The following SH3PXD2A variants were observed in gnomAD, a reference collection of about 807,000 sequenced individuals.
SH3PXD2A encodes the protein SH3 and PX domain-containing protein 2A.
SH3PXD2A carries 32 observed loss-of-function variants against 115.2 expected under a neutral mutation model. The ratio of observed to expected loss-of-function variants is 0.28; its 90% CI spans 0.21 to 0.37. The LOEUF (loss-of-function observed/expected upper bound fraction) is 0.37, where lower values mean the gene tolerates loss of function less well. Ranked by LOEUF, SH3PXD2A falls within the 10% of genes least tolerant of loss-of-function variation. The pLI, the probability that SH3PXD2A is intolerant of heterozygous loss-of-function variation, is 1.00. For synonymous variants in SH3PXD2A, 610 were observed against 629.1 expected (o/e 0.97, Z 0.45); for missense variants, 1,328 against 1,498.7 (o/e 0.89, Z 1.88).
rs772817400 is a variant in SH3PXD2A at position 103,605,813 on chromosome 10, A to T, written c.1413T>A (p.Gly471=). ...SCISDGISFR[G]GQKAEVIDKN... ...CAAGGCTTACCTCTGCCTTCTGTCCACCCCGAAAGCTGATGCCATCGGAAA... is the reference window on the plus strand; with the variant it reads ...CAAGGCTTACCTCTGCCTTCTGTCCTCCCCGAAAGCTGATGCCATCGGAAA... Residue 471 remains glycine, a synonymous_variant, in exon 14 of 15, where the codon GGT becomes GGA. Coordinates refer to ENST00000369774, the MANE Select transcript of SH3PXD2A (RefSeq NM_001394015.1). The T allele has an allele frequency of 2.5e-6, 4 of 1,613,942 alleles. No homozygotes were observed. Among genetic ancestry groups the T allele is most frequent in the Non-Finnish European group, 3.4e-6 (4 of 1,179,882 alleles).
chr10:103,648,458 C>T (rs150748510), intron 8 of SH3PXD2A, among the ~76,000 whole-genome samples: 40 of 152,318 alleles, frequency 2.6e-4, no homozygotes, highest in African/African-American at 9.6e-4. Flanking sequence ...TTTGTGATTA[C>T]GGGCCCTTTG....
intron 1 of SH3PXD2A, among the ~76,000 whole-genome samples, chr10:103,820,243 T>C (rs72819403): frequency 6.6e-6 from 1 of 152,166 alleles, no homozygotes; most frequent in Non-Finnish European, 1.5e-5. Flanking sequence ...AAGGGGATTC[T>C]TTTGAGCCCC....
Position 103,700,875 on chromosome 10 carries a change from A to G in SH3PXD2A, c.399-7819T>C, listed in dbSNP as rs1028098590. Among the ~76,000 whole-genome samples the G allele has an allele frequency of 2.0e-5, 3 of 152,172 alleles. No individual in the cohort carries two copies. The East Asian group carries it at 5.8e-4, about 29-fold the overall frequency. Reference sequence around the variant, plus strand: ...ATGGGGTGATGGGGTTCAACAATGAAGTCCCTGAGGAGAAGGTCAAGGAGG... The same window carrying G: ...ATGGGGTGATGGGGTTCAACAATGAGGTCCCTGAGGAGAAGGTCAAGGAGG... On this transcript the variant is annotated intron_variant, in intron 5 of 14. Transcript: ENST00000369774.
At position 103,602,460 on chromosome 10, in the gene SH3PXD2A, C is replaced by G. The variant is rs371255618; in HGVS notation, c.2758G>C (p.Glu920Gln). The change falls in exon 15 of 15, where the codon GAA becomes CAA. Residue 920 changes from glutamate (E) to glutamine (Q), a missense_variant. Transcript: ENST00000369774. Reference sequence around the variant, plus strand: ...TTCTCCAGGCTGTCTGATTTGCCTTCGTTCTGCCTGCCCTTGGCGGGCACT... The same window carrying G: ...TTCTCCAGGCTGTCTGATTTGCCTTGGTTCTGCCTGCCCTTGGCGGGCACT... ...DTVPAKGRQN[E>Q]GKSDSLEKIE... is the part of the protein sequence containing the mutation. 20 of 1,614,048 alleles carry G rather than the reference C, an allele frequency of 1.2e-5. No individual in the cohort carries two copies. The highest frequency in any genetic ancestry group is 1.7e-5 in the Non-Finnish European group (20 of 1,180,020).
chr10:103,617,948 G>C (rs1331593465), intron 10 of SH3PXD2A, among the ~76,000 whole-genome samples: 1 of 152,188 alleles, frequency 6.6e-6, no homozygotes, highest in Non-Finnish European at 1.5e-5. Flanking sequence ...CATGGAAGCA[G>C]TTACATGTGT....
At chr10:103,845,896 GC>G (rs1463245501) in intron 1 of SH3PXD2A, among the ~76,000 whole-genome samples, 1 of 152,152 alleles carries the variant, frequency 6.6e-6, no homozygotes, top group Non-Finnish European at 1.5e-5. Flanking sequence ...GTGCAAACCA[GC>G]CCACACTCCA....
At chr10:103,813,459 G>A (rs923145451) in intron 1 of SH3PXD2A, among the ~76,000 whole-genome samples, 3 of 152,032 alleles carry the variant, frequency 2.0e-5, no homozygotes, top group Non-Finnish European at 4.4e-5. Context: ...TGGGACTATC[G>A]GCATGTGCCA....
At position 103,601,931 on chromosome 10, in the gene SH3PXD2A, AC is replaced by A; in HGVS notation, c.3286del (p.Val1096CysfsTer22). On this transcript the variant is annotated frameshift_variant, in exon 15 of 15. Coordinates refer to ENST00000369774, the MANE Select transcript of SH3PXD2A (RefSeq NM_001394015.1). LOFTEE classifies it high-confidence loss of function. ...GTTCCTCTCCAGAACCTCCATGGAC[AC>A]CCCCTCCTGGAAGCCTGCTGTCTCC... ...DEETAGFQEG[V>X]SMEVLERNPN... 1 of 1,613,034 alleles carries A rather than the reference AC, an allele frequency of 6.2e-7. No individual in the cohort carries two copies. Among genetic ancestry groups the A allele is most frequent in the Non-Finnish European group, 8.5e-7 (1 of 1,179,718 alleles).
intron 4 of SH3PXD2A, among the ~76,000 whole-genome samples, chr10:103,735,051 G>T (rs2038364673): frequency 6.6e-6 from 1 of 152,212 alleles, no homozygotes; most frequent in African/African-American, 2.4e-5. Context: ...AACCCAGGAA[G>T]ACTGGCCCTC....
chr10:103,742,063 C>T (rs1480737346), intron 3 of SH3PXD2A, among the ~76,000 whole-genome samples: 10 of 152,170 alleles, frequency 6.6e-5, no homozygotes, highest in African/African-American at 2.2e-4. Flanking sequence ...GTAGGGGGAT[C>T]GCTTGAGCCT....
intron 4 of SH3PXD2A, among the ~76,000 whole-genome samples, chr10:103,733,231 G>A (rs983468235): frequency 3.3e-5 from 5 of 152,110 alleles, no homozygotes; most frequent in African/African-American, 7.2e-5. Flanking sequence ...CCAGCTACGC[G>A]TGGTACACTG....
At chr10:103,714,775 G>T (rs1477340721) in intron 5 of SH3PXD2A, among the ~76,000 whole-genome samples, 2 of 152,264 alleles carry the variant, frequency 1.3e-5, no homozygotes, top group African/African-American at 4.8e-5. Flanking sequence ...GCAGGGGGCT[G>T]CAAGGACAGT....
Position 103,594,574 on chromosome 10 carries a change from G to T in SH3PXD2A, c.*7242C>A, listed in dbSNP as rs986552032. Reference sequence around the variant, plus strand: ...GGATTACTGAAGTCTGCCTTGCCCGGGAGTCACTTCCTGCAGACCTCTGAG... The same window carrying T: ...GGATTACTGAAGTCTGCCTTGCCCGTGAGTCACTTCCTGCAGACCTCTGAG... On this transcript the variant is annotated 3_prime_UTR_variant, in exon 15 of 15. Coordinates refer to ENST00000369774, the MANE Select transcript of SH3PXD2A (RefSeq NM_001394015.1). 1 of 152,220 alleles carries T rather than the reference G, an allele frequency of 6.6e-6. No individual in the cohort carries two copies. The highest frequency in any genetic ancestry group is 2.4e-5 in the African/African-American group (1 of 41,430). The allele number at this position is 152,220 out of a possible 1,614,324, so 9.4% of individuals were successfully genotyped here. A position where few individuals can be genotyped will look rare whatever the true frequency, so the allele number is the denominator to read the frequency against.
chr10:103,804,671 C>A (rs147223268), intron 1 of SH3PXD2A, among the ~76,000 whole-genome samples: 4 of 151,992 alleles, frequency 2.6e-5, no homozygotes, highest in African/African-American at 7.3e-5. Flanking sequence ...GAGAAGCCTG[C>A]GGTGCTCTTG....
intron 5 of SH3PXD2A, 112 bp from the exon 6 acceptor site, chr10:103,693,168 C>T: frequency 4.3e-6 from 3 of 696,686 alleles, no homozygotes; most frequent in Non-Finnish European, 7.0e-6. Flanking sequence ...TGCCGCTGCT[C>T]ATGTGATGCC....
chr10:103,775,553 GGAATGGCAGGGACTTAT>G (rs2038869401), intron 2 of SH3PXD2A, among the ~76,000 whole-genome samples: 1 of 152,202 alleles, frequency 6.6e-6, no homozygotes, highest in Non-Finnish European at 1.5e-5. Flanking sequence ...TCCAGGGGGA[GGAATGGCAGGGACTTAT>G]GCTCGGCAGT....
At chr10:103,751,101 G>C (rs559058111) in intron 3 of SH3PXD2A, among the ~76,000 whole-genome samples, 2 of 152,352 alleles carry the variant, frequency 1.3e-5, no homozygotes, top group South Asian at 2.1e-4. Context: ...TAATAAGGGA[G>C]TGTACCTTTA....
chr10:103,626,276 C>G (rs910300346), intron 9 of SH3PXD2A, among the ~76,000 whole-genome samples: 1 of 152,266 alleles, frequency 6.6e-6, no homozygotes, highest in Non-Finnish European at 1.5e-5. Context: ...TTTGGCCTGG[C>G]AGCAGAAAGC....
At chr10:103,671,488 G>C (rs1245933853) in intron 6 of SH3PXD2A, among the ~76,000 whole-genome samples, 2 of 152,140 alleles carry the variant, frequency 1.3e-5, no homozygotes, top group African/African-American at 2.4e-5. Flanking sequence ...TTTTTAAAAA[G>C]AAACCTCTCT....
Sources: allele counts gnomAD v4.1 joint callset (sites outside exome capture counted in the v4.1 genomes callset), GRCh38; gene constraint gnomAD v4.1.1; transcripts MANE v1.5; gene names NCBI Gene and HGNC (gene_info 2026-07-23, HGNC 2026-07-21).